SLC9D1: variants seen among roughly 807,000 people sequenced by gnomAD.
SLC9D1 encodes the protein putative LAG1-interacting protein.
the SLC9D1 span, chr13:113,548,365 G>A: frequency 6.2e-7 from 1 of 1,613,954 alleles, no homozygotes; most frequent in Non-Finnish European, 8.5e-7. Context: ...ACATCAAGTG[G>A]ATCGTCTCTG....
the SLC9D1 span, among the ~76,000 whole-genome samples, chr13:113,547,992 C>A: frequency 1.3e-5 from 2 of 149,598 alleles, no homozygotes; most frequent in Non-Finnish European, 3.0e-5. Context: ...ACCTTGAGTA[C>A]CCCACGCTTA....
chr13:113,517,061 C>T, the SLC9D1 span, among the ~76,000 whole-genome samples: 1 of 152,214 alleles, frequency 6.6e-6, no homozygotes, highest in African/African-American at 2.4e-5. Context: ...GGCTGGTTCA[C>T]AAAGGAAGAC....
the SLC9D1 span, chr13:113,529,108 G>C: frequency 4.6e-5 from 7 of 152,198 alleles, no homozygotes; most frequent in Non-Finnish European, 1.0e-4. Flanking sequence ...TAACATGCTG[G>C]CATAAGACAT....
the SLC9D1 span, among the ~76,000 whole-genome samples, chr13:113,532,744 G>A: frequency 2.9e-3 from 441 of 152,192 alleles, 2 homozygotes; most frequent in African/African-American, 0.01. Context: ...GCGGACTTGG[G>A]CCCTGCAGTG....
chr13:113,510,334 C>G, the SLC9D1 span: 1 of 1,614,202 alleles, frequency 6.2e-7, no homozygotes, highest in Non-Finnish European at 8.5e-7. Flanking sequence ...CAAACCCACG[C>G]AGAGCGTCTT....
At chr13:113,495,699 G>C in the SLC9D1 span, 11 of 1,612,858 alleles carry the variant, frequency 6.8e-6, no homozygotes, top group East Asian at 2.2e-5. Context: ...CCGCGGGCGA[G>C]GGGTGGCTGC....
At chr13:113,524,999 C>T in the SLC9D1 span, among the ~76,000 whole-genome samples, 1 of 152,212 alleles carries the variant, frequency 6.6e-6, no homozygotes, top group East Asian at 1.9e-4. Context: ...TGTTTAGGCT[C>T]ATTTATAATG....
the SLC9D1 span, among the ~76,000 whole-genome samples, chr13:113,518,613 C>T: frequency 7.2e-5 from 11 of 152,308 alleles, no homozygotes; most frequent in South Asian, 2.3e-3. Context: ...TTGCATCCCA[C>T]AGACTCATCT....
At chr13:113,493,912 G>C in the SLC9D1 span, among the ~76,000 whole-genome samples, 1 of 152,160 alleles carries the variant, frequency 6.6e-6, no homozygotes, top group African/African-American at 2.4e-5. Context: ...TTTTGCATAA[G>C]GTTTGTCTCT....
At chr13:113,502,085 G>A in the SLC9D1 span, among the ~76,000 whole-genome samples, 1 of 152,254 alleles carries the variant, frequency 6.6e-6, no homozygotes, top group African/African-American at 2.4e-5. Flanking sequence ...TGTTACTGGA[G>A]ACAACGCCCC....
the SLC9D1 span, among the ~76,000 whole-genome samples, chr13:113,506,259 G>C: frequency 2.6e-5 from 3 of 115,656 alleles, no homozygotes; most frequent in Middle Eastern, 3.8e-3. Context: ...GCCTGTTATG[G>C]GTGGGGAGGG....
the SLC9D1 span, chr13:113,548,213 C>G: frequency 7.0e-7 from 1 of 1,427,536 alleles, no homozygotes; most frequent in Non-Finnish European, 9.5e-7. Flanking sequence ...TCGCAGCGTG[C>G]CTGTGGCTCG....
the SLC9D1 span, among the ~76,000 whole-genome samples, chr13:113,522,949 CATG>C: frequency 6.6e-6 from 1 of 152,174 alleles, no homozygotes; most frequent in Non-Finnish European, 1.5e-5. Flanking sequence ...AGCTAGTTGA[CATG>C]ATGGATAACA....
the SLC9D1 span, among the ~76,000 whole-genome samples, chr13:113,536,268 C>G: frequency 1.3e-5 from 2 of 151,550 alleles, no homozygotes; most frequent in East Asian, 3.9e-4. Context: ...GTCCCAGACA[C>G]TTGGGAGGCT....
chr13:113,497,234 TTGCAGCTGTGCATGAGACC>T, the SLC9D1 span, among the ~76,000 whole-genome samples: 1 of 152,054 alleles, frequency 6.6e-6, no homozygotes, highest in Non-Finnish European at 1.5e-5. Flanking sequence ...TGTGCTAGAC[TTGCAGCTGTGCATGAGACC>T]TGCAGCTATG....
the SLC9D1 span, chr13:113,503,655 C>T: frequency 1.1e-6 from 1 of 912,238 alleles, no homozygotes; most frequent in African/African-American, 1.7e-5. Context: ...GGTTCATACA[C>T]TTTTAACACT....
the SLC9D1 span, among the ~76,000 whole-genome samples, chr13:113,508,258 C>T: frequency 2.6e-5 from 4 of 152,344 alleles, no homozygotes; most frequent in South Asian, 6.2e-4. Flanking sequence ...TGCTACCCAC[C>T]CAGGGCGCAC....
the SLC9D1 span, among the ~76,000 whole-genome samples, chr13:113,502,333 C>T: frequency 6.6e-6 from 1 of 152,152 alleles, no homozygotes; most frequent in Admixed American, 6.5e-5. Context: ...CCTGCTTCAG[C>T]CTCTTGAGTA....
chr13:113,508,213 C>T, the SLC9D1 span, among the ~76,000 whole-genome samples: 4 of 152,348 alleles, frequency 2.6e-5, no homozygotes, highest in Non-Finnish European at 5.9e-5. Flanking sequence ...AACAGAGTCT[C>T]GCCTGTTCTC....
Sources: gnomAD v4.1 joint callset for allele counts (sites outside exome capture counted in the v4.1 genomes callset) on GRCh38, gnomAD v4.1.1 for gene constraint, MANE v1.5 for transcripts, NCBI Gene and HGNC (gene_info 2026-07-23, HGNC 2026-07-21) for gene names.